Variants in CBLC observed in about 807,000 individuals in gnomAD.
CBLC encodes the protein Cbl proto-oncogene C.
CBLC carries 46 observed loss-of-function variants against 58.6 expected under a neutral mutation model. The ratio of observed to expected loss-of-function variants is 0.79; its 90% CI spans 0.62 to 1.00. CBLC has a LOEUF of 1.00. Ranked by LOEUF, CBLC falls within the 50% of genes least tolerant of loss-of-function variation. CBLC has a pLI of 0.00. For synonymous variants in CBLC, 271 were observed against 264.2 expected (o/e 1.03, Z -0.25); for missense variants, 655 against 625.8 (o/e 1.05, Z -0.50).
At chr19:44,787,235 TAAC>T (rs1292609649) in intron 5 of CBLC, among the ~76,000 whole-genome samples, 3 of 148,508 alleles carry the variant, frequency 2.0e-5, no homozygotes, top group Admixed American at 2.0e-4. Context: ...CTACTGAAAA[TAAC>T]AAAAAATTAG....
intron 4 of CBLC, among the ~76,000 whole-genome samples, chr19:44,783,225 G>A (rs2122416269): frequency 6.6e-6 from 1 of 151,602 alleles, no homozygotes; most frequent in African/African-American, 2.4e-5. Context: ...ACAAAAATTA[G>A]GCCTGGCGCA....
intron 9 of CBLC, 102 bp from the exon 10 acceptor site, chr19:44,800,279 T>TCTGGGACTCCCAGGTCTAA (rs976551980): frequency 1.4e-5 from 11 of 795,202 alleles, no homozygotes; most frequent in Non-Finnish European, 2.4e-5. Flanking sequence ...CCCCAGGTGG[T>TCTGGGACTCCCAGGTCTAA]CTGGGACTCC....
rs1226709242 is a variant in CBLC at position 44,778,127 on chromosome 19, G to C, written c.196G>C (p.Gly66Arg). ...GGTGGCCCATTCTCGGCGGGCGGCCGGCGGAGGCGGCCCCGGGGGTCCCGG... is the reference window on the plus strand; with the variant it reads ...GGTGGCCCATTCTCGGCGGGCGGCCCGCGGAGGCGGCCCCGGGGGTCCCGG... ...REVAHSRRAA[G>R]GGGPGGPGGS... Residue 66 changes from glycine (G) to arginine (R), a missense_variant, in exon 1 of 11, where the codon GGC becomes CGC. Physicochemically the swap from Gly to Arg is moderately radical, Grantham distance 125. Transcript: ENST00000647358. 2.3e-5 allele frequency: 37 copies of C among 1,596,516 alleles called. No individual in the cohort carries two copies. Among genetic ancestry groups the C allele is most frequent in the Non-Finnish European group, 3.1e-5 (37 of 1,174,914 alleles).
chr19:44,794,109 C>G, intron 8 of CBLC, 95 bp from the exon 9 acceptor site: 1 of 1,527,860 alleles, frequency 6.5e-7, no homozygotes, highest in Non-Finnish European at 8.8e-7. Context: ...GAGTCTAGAA[C>G]AGTGCCTGAA....
rs141416238 is a variant in CBLC at position 44,788,642 on chromosome 19, G to A, written c.918-1362G>A. ...TTACAGACACGCACCTCCATGCCTG[G>A]CTAATTATTATTGTATTTATTTATT... On this transcript the variant is annotated intron_variant, in intron 5 of 10. Coordinates refer to ENST00000647358, the MANE Select transcript of CBLC (RefSeq NM_012116.4). Among the ~76,000 whole-genome samples the A allele has an allele frequency of 4.1e-3, 616 of 151,932 alleles. 3 individuals are homozygous for A. The highest frequency in any genetic ancestry group is 0.01 in the Middle Eastern group (3 of 292).
At chr19:44,787,335 A>G (rs1446120645) in intron 5 of CBLC, among the ~76,000 whole-genome samples, 1 of 152,114 alleles carries the variant, frequency 6.6e-6, no homozygotes, top group Non-Finnish European at 1.5e-5. Context: ...TGGAGCTTGC[A>G]GTGAGCCGAG....
At chr19:44,799,684 AAAGT>A (rs1225797656) in intron 9 of CBLC, among the ~76,000 whole-genome samples, 1 of 150,656 alleles carries the variant, frequency 6.6e-6, no homozygotes, top group Admixed American at 6.6e-5. Flanking sequence ...AAAAGAAAGA[AAAGT>A]AAAGAAAGAG....
chr19:44,787,068 G>C (rs1967927563), intron 5 of CBLC, among the ~76,000 whole-genome samples: 1 of 151,994 alleles, frequency 6.6e-6, no homozygotes, highest in African/African-American at 2.4e-5. Context: ...TTGGGTGACA[G>C]AGTGAGATTC....
At chr19:44,785,805 G>A (rs957692597) in intron 5 of CBLC, among the ~76,000 whole-genome samples, 2 of 151,862 alleles carry the variant, frequency 1.3e-5, no homozygotes, top group African/African-American at 2.4e-5. Flanking sequence ...GGGTGCAGTG[G>A]CGTGCACCTG....
chr19:44,790,662 C>G (rs943656624), intron 6 of CBLC, among the ~76,000 whole-genome samples: 3 of 152,044 alleles, frequency 2.0e-5, no homozygotes, highest in Non-Finnish European at 4.4e-5. Flanking sequence ...TTTTGAACTC[C>G]TAGGTTCCAG....
chr19:44,791,699 TC>T (rs1342499132), intron 6 of CBLC, among the ~76,000 whole-genome samples: 2 of 140,522 alleles, frequency 1.4e-5, no homozygotes, highest in African/African-American at 5.4e-5. Context: ...GCCACTGCAC[TC>T]CAGCCTGGGC....
chr19:44,778,215 C>A lies in CBLC; in HGVS notation c.284C>A (p.Ala95Asp). 6.8e-7 allele frequency: 1 copy of A among 1,481,186 alleles called. No homozygotes were observed. The highest frequency in any genetic ancestry group is 9.0e-7 in the Non-Finnish European group (1 of 1,116,752). 91.8% of individuals were successfully genotyped at this position (1,481,186 alleles called of 1,614,324 possible). Residue 95 changes from alanine to aspartate, a missense_variant, in exon 1 of 11, where the codon GCC (alanine) becomes GAC (aspartate). Physicochemically the swap from Ala to Asp is moderately radical, Grantham distance 126. Around this residue, in one of 3 missense-constraint regions of CBLC, gnomAD observed 280 missense variants for 237.2 expected, o/e 1.18. Coordinates refer to ENST00000647358, the MANE Select transcript of CBLC (RefSeq NM_012116.4). ...ANLEAKSRQV[A>D]ALLPPRGRRS... ...CTGGAGGCCAAGAGCAGGCAGGTGG[C>A]CGCGCTGCTGCCTCCCCGGGGCCGA...
Position 44,785,697 on chromosome 19 carries a change from A to G in CBLC, c.917+1296A>G, listed in dbSNP as rs1036752803. ...ACGCCTGTAATCCCAGCACTTTGGG[A>G]GGCCAAGGCAGGCGGATCACCTGAG... is the stretch of plus-strand genomic sequence containing the variant. On this transcript the variant is annotated intron_variant, in intron 5 of 10. Coordinates refer to ENST00000647358, the MANE Select transcript of CBLC (RefSeq NM_012116.4). 1.5e-4 allele frequency among the ~76,000 whole-genome samples: 23 copies of G among 152,096 alleles called. No homozygotes were observed. In the East Asian group the frequency reaches 4.4e-3, roughly 29 times the overall value.
chr19:44,791,905 G>A (rs1179639360), intron 6 of CBLC, among the ~76,000 whole-genome samples: 1 of 151,886 alleles, frequency 6.6e-6, no homozygotes, highest in Non-Finnish European at 1.5e-5. Flanking sequence ...CTGGGCTCAA[G>A]CATTCCACCT....
Position 44,778,022 on chromosome 19 carries a change from C to G in CBLC, c.91C>G (p.Gln31Glu), listed in dbSNP as rs778906584. Residue 31 changes from glutamine (Q) to glutamate (E), a missense_variant, in exon 1 of 11, where the codon CAA becomes GAA. By Grantham distance (29) the Gln-to-Glu change is conservative. Transcript: ENST00000647358. ...CAGGATGCTGCAGCGCCTAGAAGAG[C>G]AATGCGTCGACCCCCGGCTGTCCGT... is the stretch of plus-strand genomic sequence containing the variant. ...AVRMLQRLEE[Q>E]CVDPRLSVSP... 2.5e-6 allele frequency: 4 copies of G among 1,609,328 alleles called. No homozygotes were observed. Among genetic ancestry groups the G allele is most frequent in the East Asian group, 2.2e-5 (1 of 44,826 alleles).
chr19:44,786,516 AC>A (rs1228294813), intron 5 of CBLC, among the ~76,000 whole-genome samples: 29 of 149,418 alleles, frequency 1.9e-4, no homozygotes, highest in Admixed American at 3.3e-4. Flanking sequence ...AATGGCGTGA[AC>A]CCTGGAGGCG....
At chr19:44,800,236 G>A (rs771571423) in intron 9 of CBLC, 145 bp from the exon 10 acceptor site, 51 of 614,500 alleles carry the variant, frequency 8.3e-5, no homozygotes, top group Non-Finnish European at 1.4e-4. Context: ...AATTAAGGCT[G>A]TGGCCTCAGC....
At chr19:44,791,981 G>C (rs1968063237) in intron 6 of CBLC, among the ~76,000 whole-genome samples, 2 of 150,636 alleles carry the variant, frequency 1.3e-5, no homozygotes, top group African/African-American at 4.9e-5. Flanking sequence ...AGGAGGTGTG[G>C]GATTTTCTTT....
chr19:44,785,781 A>T (rs568088572), intron 5 of CBLC, among the ~76,000 whole-genome samples: 71 of 151,656 alleles, frequency 4.7e-4, no homozygotes, highest in African/African-American at 1.4e-3. Flanking sequence ...ACTAAAAATT[A>T]AAAAAAATTA....
Sources: allele counts gnomAD v4.1 joint callset (sites outside exome capture counted in the v4.1 genomes callset), GRCh38; gene constraint gnomAD v4.1.1; regional missense constraint gnomAD v4.1.1; transcripts MANE v1.5; gene names NCBI Gene and HGNC (gene_info 2026-07-23, HGNC 2026-07-21).